The following NTN1 variants were observed in gnomAD, a reference collection of about 807,000 sequenced individuals.
NTN1 encodes the protein netrin-1.
In NTN1, 11 loss-of-function variants were observed where a neutral mutation model predicts 54.2. The observed-to-expected ratio is 0.20, with a 90% CI of 0.13 to 0.34. NTN1 has a LOEUF of 0.34. Among genes scored for constraint, NTN1 ranks in the 10% least tolerant of loss-of-function variants. NTN1 has a pLI of 1.00. For missense variants in NTN1, 740 were observed against 893.1 expected, an observed-to-expected ratio of 0.83 and a Z score of 2.18; for synonymous variants, 371 against 382.0, an observed-to-expected ratio of 0.97 and a Z score of 0.33.
rs116183663 is a variant in NTN1, at chr17:9,032,479, G to T, written c.1018+9088G>T. On this transcript the variant is annotated intron_variant, in intron 2 of 6. Transcript: ENST00000173229. The stretch of plus-strand genomic sequence containing the variant: ...TGAGGCTTCCTGGGGCTTCTCCCAC[G>T]TGAAGGTCGTTCCTTCCACTCAGAA... Among the ~76,000 whole-genome samples, 697 of 152,262 alleles carry T rather than the reference G, an allele frequency of 4.6e-3. 8 individuals are homozygous for T. Among genetic ancestry groups the T allele is most frequent in the African/African-American group, 0.016 (656 of 41,542 alleles).
At chr17:9,199,328 G>A (rs1178848979) in intron 5 of NTN1, among the ~76,000 whole-genome samples, 2 of 152,202 alleles carry the variant, frequency 1.3e-5, no homozygotes, top group African/African-American at 4.8e-5. Context: ...TTTTAGTAGA[G>A]ATGGAGTTTC....
chr17:9,234,341 G>T (rs1247443575), intron 6 of NTN1, among the ~76,000 whole-genome samples: 1 of 152,230 alleles, frequency 6.6e-6, no homozygotes, highest in African/African-American at 2.4e-5. Flanking sequence ...TCTGTGGCTG[G>T]TTGCAGGAAA....
intron 2 of NTN1, among the ~76,000 whole-genome samples, chr17:9,088,830 G>A (rs538006867): frequency 1.3e-5 from 2 of 152,280 alleles, no homozygotes; most frequent in South Asian, 2.1e-4. Context: ...GAGTCTGAAC[G>A]ATTCCAAATA....
chr17:9,166,492 C>A (rs2142302939), intron 3 of NTN1, among the ~76,000 whole-genome samples: 1 of 152,176 alleles, frequency 6.6e-6, no homozygotes, highest in South Asian at 2.1e-4. Context: ...TAGGTGCAAG[C>A]CACCACAACC....
intron 5 of NTN1, among the ~76,000 whole-genome samples, chr17:9,188,412 G>A (rs1904341963): frequency 9.1e-6 from 1 of 110,008 alleles, no homozygotes; most frequent in Non-Finnish European, 1.7e-5. Flanking sequence ...TGGGCAATAA[G>A]AGTAAAACTC....
intron 2 of NTN1, among the ~76,000 whole-genome samples, chr17:9,161,630 T>A (rs12938925): frequency 0.33 from 50,383 of 151,710 alleles, 8,567 homozygotes; most frequent in East Asian, 0.47. Context: ...AGACAAAAAT[T>A]AGCCTGGCGT....
chr17:9,072,961 G>C (rs2092037209), intron 2 of NTN1, among the ~76,000 whole-genome samples: 1 of 152,242 alleles, frequency 6.6e-6, no homozygotes, highest in African/African-American at 2.4e-5. Flanking sequence ...TCCTGTAGCA[G>C]GGAGTTGGTT....
At chr17:9,120,215 G>A (rs953147325) in intron 2 of NTN1, among the ~76,000 whole-genome samples, 7 of 150,966 alleles carry the variant, frequency 4.6e-5, no homozygotes, top group Admixed American at 3.3e-4. Flanking sequence ...AACCCGGGAG[G>A]CAGAGCTTGC....
At chr17:9,226,443 CGTGGGG>C (rs1567744964) in intron 6 of NTN1, among the ~76,000 whole-genome samples, 115 of 89,722 alleles carry the variant, frequency 1.3e-3, no homozygotes, top group African/African-American at 6.0e-3. Flanking sequence ...GAGGCGGTCT[CGTGGGG>C]AGGCTGTCTC....
In NTN1 at chr17:9,049,909, A is replaced by C. The variant is rs975941029; in HGVS notation, c.1018+26518A>C. Among the ~76,000 whole-genome samples, 4 of 152,336 alleles carry C rather than the reference A, an allele frequency of 2.6e-5. No homozygotes were observed. In the East Asian group the frequency reaches 5.8e-4, roughly 22 times the overall value. On this transcript the variant is annotated intron_variant, in intron 2 of 6. Transcript: ENST00000173229. ...AGAGTTCACAGAAATTTGTTGTACCATTCTGCAACTTTTTATAAGCCTAAA... is the reference window on the plus strand; with the variant it reads ...AGAGTTCACAGAAATTTGTTGTACCCTTCTGCAACTTTTTATAAGCCTAAA...
chr17:9,172,360 G>A (rs760947769), intron 3 of NTN1, among the ~76,000 whole-genome samples: 12 of 152,044 alleles, frequency 7.9e-5, no homozygotes, highest in Non-Finnish European at 1.6e-4. Context: ...GGTGCCTGTA[G>A]TCCCAGCTAC....
intron 2 of NTN1, among the ~76,000 whole-genome samples, chr17:9,136,136 C>T (rs2092280368): frequency 6.6e-6 from 1 of 152,242 alleles, no homozygotes; most frequent in African/African-American, 2.4e-5. Context: ...GCAGGAAATG[C>T]TCCAGCAACA....
chr17:9,013,010 T>C, the NTN1 span, among the ~76,000 whole-genome samples: 1 of 151,876 alleles, frequency 6.6e-6, no homozygotes, highest in Non-Finnish European at 1.5e-5. Flanking sequence ...CTAGGAGCCA[T>C]TTTTTGGTTG....
At chr17:9,019,447 A>C (rs2091838773), upstream of NTN1, among the ~76,000 whole-genome samples, 1 of 152,248 alleles carries the variant, frequency 6.6e-6, no homozygotes, top group Admixed American at 6.5e-5. Context: ...GCGACCTCAT[A>C]CTAACAGCTA....
At chr17:9,204,732 A>G (rs1334622671) in intron 5 of NTN1, among the ~76,000 whole-genome samples, 1 of 152,230 alleles carries the variant, frequency 6.6e-6, no homozygotes, top group Non-Finnish European at 1.5e-5. Flanking sequence ...GCAGAGACAC[A>G]GCTACCCTCC....
chr17:9,160,750 C>T (rs1014177924), intron 2 of NTN1, among the ~76,000 whole-genome samples: 9 of 151,978 alleles, frequency 5.9e-5, no homozygotes, highest in African/African-American at 1.9e-4. Flanking sequence ...CCCAGGAGTT[C>T]GAGACCAGCC....
At chr17:9,062,509 G>A (rs2092001984) in intron 2 of NTN1, among the ~76,000 whole-genome samples, 1 of 152,102 alleles carries the variant, frequency 6.6e-6, no homozygotes, top group African/African-American at 2.4e-5. Context: ...CTCCAGGTGT[G>A]CACTTAACAC....
intron 5 of NTN1, chr17:9,183,445 A>G: frequency 5.0e-6 from 2 of 399,642 alleles, no homozygotes; most frequent in Non-Finnish European, 1.0e-5. Context: ...CTAAAAATTT[A>G]GCATTTCCTC....
chr17:9,099,986 A>G (rs1472894444), intron 2 of NTN1, among the ~76,000 whole-genome samples: 1 of 152,090 alleles, frequency 6.6e-6, no homozygotes, highest in Non-Finnish European at 1.5e-5. Flanking sequence ...ATTTTATTTT[A>G]TTTTTAAATA....
Sources: gnomAD v4.1 joint callset for allele counts (sites outside exome capture counted in the v4.1 genomes callset) on GRCh38, gnomAD v4.1.1 for gene constraint, MANE v1.5 for transcripts, NCBI Gene and HGNC (gene_info 2026-07-23, HGNC 2026-07-21) for gene names.